KCNH7: variants seen among roughly 807,000 people sequenced by gnomAD.
KCNH7 encodes voltage-gated inwardly rectifying potassium channel KCNH7.
Under a neutral mutation model 120.8 loss-of-function variants are expected in KCNH7, and 49 were observed. The observed-to-expected ratio is 0.41, with a 90% CI of 0.32 to 0.51. KCNH7 has a LOEUF of 0.51. Among genes scored for constraint, KCNH7 ranks in the 20% least tolerant of loss-of-function variants. The pLI is 0.38. For missense variants in KCNH7, 1,097 were observed against 1,446.6 expected, an observed-to-expected ratio of 0.76 and a Z score of 3.92; for synonymous variants, 547 against 516.1, an observed-to-expected ratio of 1.06 and a Z score of -0.81.
At chr2:162,503,129 T>C (rs969549760) in intron 6 of KCNH7, among the ~76,000 whole-genome samples, 3 of 152,072 alleles carry the variant, frequency 2.0e-5, no homozygotes, top group African/African-American at 7.2e-5. Context: ...ACAGTCCCCA[T>C]TGCCATGCTG....
chr2:162,532,379 A>G (rs1330789540), intron 3 of KCNH7, among the ~76,000 whole-genome samples: 1 of 151,906 alleles, frequency 6.6e-6, no homozygotes, highest in Admixed American at 6.6e-5. Context: ...CAGTTCCTGG[A>G]GAGACAATAG....
rs556055513 is a variant in KCNH7 at position 162,726,833 on chromosome 2, C to T, written c.307+109704G>A. Among the ~76,000 whole-genome samples the T allele has an allele frequency of 7.8e-4, 119 of 152,210 alleles. 1 individual carries two copies. Among genetic ancestry groups the T allele is most frequent in the African/African-American group, 2.4e-3 (101 of 41,532 alleles). ...ATGGCTTTAATAGTTTCCTTACTTT[C>T]TGATACGACATTCTGGGCTCTATGT... On this transcript the variant is annotated intron_variant, in intron 2 of 15. Transcript: ENST00000332142.
chr2:162,518,663 T>C (rs1161389612), intron 3 of KCNH7, among the ~76,000 whole-genome samples: 2 of 151,700 alleles, frequency 1.3e-5, no homozygotes, highest in Non-Finnish European at 2.9e-5. Flanking sequence ...AATATTTGTA[T>C]TGAATAATAT....
intron 2 of KCNH7, among the ~76,000 whole-genome samples, chr2:162,559,054 C>CAAAAAAAAAAAAAAAAAAAAAAACAAA (rs780823559): frequency 2.7e-4 from 10 of 37,134 alleles, no homozygotes; most frequent in Non-Finnish European, 5.1e-4. Context: ...GACTCTGCCT[C>CAAAAAAAAAAAAAAAAAAAAAAACAAA]AAAAAAAAAA....
At chr2:162,521,100 C>A (rs776747323) in intron 3 of KCNH7, among the ~76,000 whole-genome samples, 5 of 151,866 alleles carry the variant, frequency 3.3e-5, no homozygotes, top group African/African-American at 7.2e-5. Context: ...CCTTTCATAG[C>A]TTTCACCACA....
chr2:162,651,095 A>G (rs1684549502), intron 2 of KCNH7, among the ~76,000 whole-genome samples: 1 of 152,196 alleles, frequency 6.6e-6, no homozygotes, highest in Non-Finnish European at 1.5e-5. Context: ...AGGTATACTG[A>G]CCATTTTTTA....
chr2:162,507,339 G>T (rs1029548102), intron 5 of KCNH7, among the ~76,000 whole-genome samples: 1 of 151,534 alleles, frequency 6.6e-6, no homozygotes. Flanking sequence ...ACTAATAAAA[G>T]TTCCTTCAAA....
chr2:162,748,469 G>A (rs940957965), intron 2 of KCNH7, among the ~76,000 whole-genome samples: 1 of 151,500 alleles, frequency 6.6e-6, no homozygotes, highest in African/African-American at 2.4e-5. Context: ...ATTTTTTTTT[G>A]TGTGTGTACA....
chr2:162,798,261 A>G (rs774046621), intron 2 of KCNH7, among the ~76,000 whole-genome samples: 2 of 152,072 alleles, frequency 1.3e-5, no homozygotes, highest in Non-Finnish European at 2.9e-5. Flanking sequence ...TTTAAAATTT[A>G]CATTTTATTC....
intron 6 of KCNH7, among the ~76,000 whole-genome samples, chr2:162,496,420 G>C (rs1387837589): frequency 6.6e-6 from 1 of 152,190 alleles, no homozygotes; most frequent in East Asian, 1.9e-4. Context: ...ATGGAGGGGA[G>C]CCACCTGGAA....
chr2:162,702,162 AAAT>A (rs752974716), intron 2 of KCNH7, among the ~76,000 whole-genome samples: 1 of 152,286 alleles, frequency 6.6e-6, no homozygotes, highest in Admixed American at 6.5e-5. Context: ...GAACAATGAG[AAAT>A]AATAATCAGC....
At chr2:162,441,981 A>AG (rs1302668224) in intron 7 of KCNH7, among the ~76,000 whole-genome samples, 2 of 142,434 alleles carry the variant, frequency 1.4e-5, no homozygotes, top group Non-Finnish European at 3.1e-5. Flanking sequence ...TGAGAAAAAA[A>AG]TTAAATAGTT....
chr2:162,634,119 T>C (rs1253890410), intron 2 of KCNH7, among the ~76,000 whole-genome samples: 2 of 152,098 alleles, frequency 1.3e-5, no homozygotes, highest in Non-Finnish European at 2.9e-5. Context: ...CTTCTACTCA[T>C]AGCTGTTACT....
intron 4 of KCNH7, 112 bp downstream of exon 4, chr2:162,517,618 C>G (rs2105784300): frequency 1.1e-6 from 1 of 925,712 alleles, no homozygotes; most frequent in South Asian, 2.1e-5. Context: ...AGCCTTTAAT[C>G]ACATTTCTTT....
At chr2:162,737,584 C>A (rs1190759496) in intron 2 of KCNH7, among the ~76,000 whole-genome samples, 1 of 152,052 alleles carries the variant, frequency 6.6e-6, no homozygotes, top group Non-Finnish European at 1.5e-5. Flanking sequence ...ATAAGGCCTT[C>A]CAAATCACAT....
At chr2:162,783,071 G>C (rs144344437) in intron 2 of KCNH7, among the ~76,000 whole-genome samples, 1 of 152,226 alleles carries the variant, frequency 6.6e-6, no homozygotes, top group East Asian at 1.9e-4. Flanking sequence ...TCCAACAGTG[G>C]CTAGGCCCAC....
At chr2:162,742,318 G>A (rs1470941983) in intron 2 of KCNH7, among the ~76,000 whole-genome samples, 1 of 152,040 alleles carries the variant, frequency 6.6e-6, no homozygotes, top group African/African-American at 2.4e-5. Context: ...TGGAGTGGTT[G>A]TAAAATGGGC....
At position 162,599,702 on chromosome 2, in the gene KCNH7, T is replaced by G. The variant is rs149049092; in HGVS notation, c.308-62622A>C. On this transcript the variant is annotated intron_variant, in intron 2 of 15. Coordinates refer to ENST00000332142, the MANE Select transcript of KCNH7 (RefSeq NM_033272.4). ...TATCTCATAACTTACTTTGGAAATA[T>G]TACTTAATGATTAATCTACTTTTTC... is the stretch of plus-strand genomic sequence containing the variant. Among the ~76,000 whole-genome samples, 922 of 152,160 alleles carry G rather than the reference T, an allele frequency of 6.1e-3. 11 individuals carry two copies. The highest frequency in any genetic ancestry group is 0.021 in the African/African-American group (880 of 41,548).
intron 2 of KCNH7, among the ~76,000 whole-genome samples, chr2:162,642,374 T>C (rs1684190472): frequency 6.6e-6 from 1 of 152,234 alleles, no homozygotes; most frequent in Non-Finnish European, 1.5e-5. Flanking sequence ...AAATTTAACA[T>C]ATGAGTTGTA....
Sources: allele counts gnomAD v4.1 joint callset (sites outside exome capture counted in the v4.1 genomes callset), GRCh38; gene constraint gnomAD v4.1.1; transcripts MANE v1.5; gene names NCBI Gene and HGNC (gene_info 2026-07-23, HGNC 2026-07-21).